CLVS1: variants seen among roughly 807,000 people sequenced by gnomAD.
The protein encoded by CLVS1 is clavesin 1, also known as clavesin-1.
In CLVS1, 10 loss-of-function variants were observed where a neutral mutation model predicts 33.1. The ratio of observed to expected loss-of-function variants is 0.30; its 90% CI spans 0.19 to 0.51. The LOEUF (loss-of-function observed/expected upper bound fraction) is 0.51, where lower values mean the gene tolerates loss of function less well. Among genes scored for constraint, CLVS1 ranks in the 20% least tolerant of loss-of-function variants. The pLI is 0.97. For missense variants in CLVS1, 343 were observed against 433.4 expected (o/e 0.79, Z 1.85); for synonymous variants, 163 against 166.1 (o/e 0.98, Z 0.14).
At chr8:61,443,269 A>G (rs973531979) in intron 3 of CLVS1, among the ~76,000 whole-genome samples, 14 of 152,138 alleles carry the variant, frequency 9.2e-5, no homozygotes, top group African/African-American at 3.4e-4. Context: ...TACTTGTTTT[A>G]TGGATCATGC....
chr8:61,147,981 G>A (rs1427238413), intron 2 of CLVS1, among the ~76,000 whole-genome samples: 2 of 152,306 alleles, frequency 1.3e-5, no homozygotes, highest in Middle Eastern at 3.4e-3. Flanking sequence ...CTGAACTGGT[G>A]AGCCTATGTA....
intron 2 of CLVS1, among the ~76,000 whole-genome samples, chr8:61,217,537 G>A (rs552246081): frequency 2.8e-4 from 42 of 152,154 alleles, no homozygotes; most frequent in African/African-American, 9.6e-4. Context: ...TCAATTAAAC[G>A]TGTATTATGT....
At chr8:61,389,357 G>A (rs1394700367) in intron 3 of CLVS1, among the ~76,000 whole-genome samples, 3 of 152,130 alleles carry the variant, frequency 2.0e-5, no homozygotes, top group Admixed American at 1.3e-4. Flanking sequence ...GGCTAACACG[G>A]TGAAACCTAG....
chr8:61,498,172 C>T (rs371562759), intron 5 of CLVS1, among the ~76,000 whole-genome samples: 1 of 152,202 alleles, frequency 6.6e-6, no homozygotes, highest in African/African-American at 2.4e-5. Flanking sequence ...GCACCTCTGA[C>T]ACTCTTACTG....
intron 2 of CLVS1, among the ~76,000 whole-genome samples, chr8:61,328,599 T>C (rs1013803051): frequency 6.6e-6 from 1 of 152,096 alleles, no homozygotes; most frequent in African/African-American, 2.4e-5. Flanking sequence ...CAAAGCATCA[T>C]ACAAATCGAT....
chr8:61,163,073 T>C (rs529397889), intron 2 of CLVS1, among the ~76,000 whole-genome samples: 2 of 152,286 alleles, frequency 1.3e-5, no homozygotes, highest in South Asian at 4.1e-4. Context: ...CCTAGGAAAG[T>C]CCAACCCCAG....
intron 2 of CLVS1, among the ~76,000 whole-genome samples, chr8:61,218,868 C>T (rs529503193): frequency 1.3e-4 from 19 of 151,966 alleles, no homozygotes; most frequent in African/African-American, 2.4e-4. Flanking sequence ...CGCTTGAACC[C>T]GGGAGGTGGA....
intron 5 of CLVS1, chr8:61,465,249 C>T (rs1817506017): frequency 6.6e-6 from 1 of 152,248 alleles, no homozygotes; most frequent in Non-Finnish European, 1.5e-5. Context: ...TCCCTACATG[C>T]TTCAGGTCCA....
At chr8:61,260,938 C>A (rs1809190858) in intron 2 of CLVS1, among the ~76,000 whole-genome samples, 1 of 152,200 alleles carries the variant, frequency 6.6e-6, no homozygotes, top group Non-Finnish European at 1.5e-5. Context: ...ATACAAGGAG[C>A]TTGTTTCAAT....
At chr8:61,349,951 A>T (rs957088251) in intron 2 of CLVS1, among the ~76,000 whole-genome samples, 3 of 152,128 alleles carry the variant, frequency 2.0e-5, no homozygotes, top group African/African-American at 7.2e-5. Flanking sequence ...TGTCTTTGCC[A>T]TGTAAGAATT....
At chr8:60,979,353 A>G in the CLVS1 span, among the ~76,000 whole-genome samples, 10 of 152,226 alleles carry the variant, frequency 6.6e-5, no homozygotes, top group Non-Finnish European at 1.2e-4. Flanking sequence ...ACTCATTTCC[A>G]GCACAGATGA....
intron 1 of CLVS1, among the ~76,000 whole-genome samples, chr8:61,079,373 G>A (rs1020471553): frequency 5.3e-5 from 8 of 152,124 alleles, no homozygotes; most frequent in South Asian, 4.1e-4. Flanking sequence ...ATTTAGTTCC[G>A]GAGGTGCTGA....
intron 2 of CLVS1, among the ~76,000 whole-genome samples, chr8:61,222,039 AT>A (rs1164956380): frequency 6.6e-6 from 1 of 152,032 alleles, no homozygotes; most frequent in Non-Finnish European, 1.5e-5. Context: ...CTGCTTTATC[AT>A]TTTTTATTGT....
chr8:61,058,600 G>GA (rs1804522623), intron 1 of CLVS1, among the ~76,000 whole-genome samples: 1 of 152,126 alleles, frequency 6.6e-6, no homozygotes, highest in Non-Finnish European at 1.5e-5. Context: ...TTCTAATTTT[G>GA]ACATATGCCA....
chr8:61,134,967 G>C, intron 2 of CLVS1, among the ~76,000 whole-genome samples: 2 of 152,042 alleles, frequency 1.3e-5, no homozygotes, highest in Middle Eastern at 3.4e-3. Flanking sequence ...GGGTGGTATT[G>C]AAGAGCAAGA....
intron 2 of CLVS1, among the ~76,000 whole-genome samples, chr8:61,312,794 G>A (rs1810875978): frequency 6.6e-6 from 1 of 152,122 alleles, no homozygotes; most frequent in South Asian, 2.1e-4. Flanking sequence ...TTAGTGCTTT[G>A]ATCTCTCTCT....
chr8:61,475,688 G>T (rs1391503411), intron 5 of CLVS1, among the ~76,000 whole-genome samples: 2 of 152,100 alleles, frequency 1.3e-5, no homozygotes, highest in African/African-American at 4.8e-5. Flanking sequence ...TGTAGATTCT[G>T]GATATTAGCC....
At chr8:61,488,942 T>C (rs1377281457) in intron 5 of CLVS1, among the ~76,000 whole-genome samples, 3 of 152,158 alleles carry the variant, frequency 2.0e-5, no homozygotes, top group African/African-American at 7.2e-5. Context: ...TCTAATCCAC[T>C]CCCTTTCTCT....
intron 1 of CLVS1, among the ~76,000 whole-genome samples, chr8:61,113,765 A>G (rs1353322243): frequency 1.3e-5 from 2 of 152,190 alleles, no homozygotes; most frequent in African/African-American, 4.8e-5. Flanking sequence ...TAAGTTAGCC[A>G]GGTGTGGTGA....
Sources: gnomAD v4.1 joint callset for allele counts (sites outside exome capture counted in the v4.1 genomes callset) on GRCh38, gnomAD v4.1.1 for gene constraint, MANE v1.5 for transcripts, NCBI Gene and HGNC (gene_info 2026-07-23, HGNC 2026-07-21) for gene names.